Variants in TECPR2 observed in about 807,000 individuals in gnomAD.
TECPR2 encodes tectonin beta-propeller repeat containing 2, also known as tectonin beta-propeller repeat-containing protein 2.
A neutral mutation model predicts 138.1 loss-of-function variants in TECPR2; 65 were observed. That is an observed-to-expected ratio of 0.47 (90% CI 0.39 to 0.58). TECPR2 has a LOEUF of 0.58. Ranked by LOEUF, TECPR2 falls within the 20% of genes least tolerant of loss-of-function variation. TECPR2 has a pLI of 0.00. For missense variants in TECPR2, 1,553 were observed against 1,824.5 expected, an observed-to-expected ratio of 0.85 and a Z score of 2.71; for synonymous variants, 746 against 749.8, an observed-to-expected ratio of 0.99 and a Z score of 0.08.
chr14:102,485,266 A>G (rs1890998547), intron 17 of TECPR2, among the ~76,000 whole-genome samples: 1 of 152,222 alleles, frequency 6.6e-6, no homozygotes, highest in Non-Finnish European at 1.5e-5. Flanking sequence ...CGTCAGCACA[A>G]CTATGCTGCC....
intron 2 of TECPR2, among the ~76,000 whole-genome samples, chr14:102,378,855 C>T (rs1003739607): frequency 2.0e-5 from 3 of 152,096 alleles, no homozygotes; most frequent in Non-Finnish European, 4.4e-5. Flanking sequence ...GAACTCCTGA[C>T]GTCAGGTGAT....
Position 102,500,984 on chromosome 14 carries a change from G to GT in TECPR2, c.*2730dup, listed in dbSNP as rs1322980725. ...CTCTGTAGAACTGCAGACCTGTGCT[G>GT]TTTGATGCCTCCTCACTGTCCCGTC... On this transcript the variant is annotated 3_prime_UTR_variant, in exon 20 of 20. Coordinates refer to ENST00000359520, the MANE Select transcript of TECPR2 (RefSeq NM_014844.5). 6.6e-6 allele frequency: 1 copy of GT among 152,300 alleles called. No homozygotes were observed. Among genetic ancestry groups the GT allele is most frequent in the African/African-American group, 2.4e-5 (1 of 41,472 alleles). The allele number at this position is 152,300 out of a possible 1,614,324, so 9.4% of individuals were successfully genotyped here.
chr14:102,480,650 G>A (rs1278211794), intron 17 of TECPR2, among the ~76,000 whole-genome samples: 1 of 151,890 alleles, frequency 6.6e-6, no homozygotes, highest in Non-Finnish European at 1.5e-5. Context: ...CTCCAAAATG[G>A]CTAGGGGTAT....
intron 17 of TECPR2, among the ~76,000 whole-genome samples, chr14:102,491,875 A>G (rs1322892591): frequency 2.0e-5 from 3 of 152,198 alleles, no homozygotes; most frequent in Non-Finnish European, 4.4e-5. Context: ...TTTTGTTTGC[A>G]GTTGAGGTTT....
intron 17 of TECPR2, among the ~76,000 whole-genome samples, chr14:102,495,497 G>A (rs957586847): frequency 6.6e-6 from 1 of 152,186 alleles, no homozygotes; most frequent in African/African-American, 2.4e-5. Flanking sequence ...CCAGGGGGAT[G>A]CAGGGACTCC....
rs1222880915 is a variant in TECPR2, at chr14:102,499,919, C to G, written c.*1662C>G. On this transcript the variant is annotated 3_prime_UTR_variant, in exon 20 of 20. Coordinates refer to ENST00000359520, the MANE Select transcript of TECPR2 (RefSeq NM_014844.5). ...AAATCCCAGATCTGACTTCACACTTCCCTTTTCTAGAACCTTTTGTAAAAG... is the reference window on the plus strand; with the variant it reads ...AAATCCCAGATCTGACTTCACACTTGCCTTTTCTAGAACCTTTTGTAAAAG... 2.6e-5 allele frequency: 4 copies of G among 152,866 alleles called. No individual in the cohort carries two copies. Among genetic ancestry groups the G allele is most frequent in the South Asian group, 2.1e-4 (1 of 4,842 alleles). The allele number at this position is 152,866 out of a possible 1,614,324, so 9.5% of individuals were successfully genotyped here.
At chr14:102,382,883 A>G (rs998080625) in intron 2 of TECPR2, among the ~76,000 whole-genome samples, 2 of 151,994 alleles carry the variant, frequency 1.3e-5, no homozygotes, top group African/African-American at 4.8e-5. Flanking sequence ...CAGCCTCCCA[A>G]GTAGCTGGGA....
intron 2 of TECPR2, among the ~76,000 whole-genome samples, chr14:102,391,630 C>T (rs576883727): frequency 3.9e-4 from 60 of 152,168 alleles, no homozygotes; most frequent in African/African-American, 1.4e-3. Context: ...AAAATGAAGG[C>T]AAGGAGGATA....
chr14:102,497,518 C>T (rs978643825), intron 18 of TECPR2, 52 bp from the exon 19 acceptor site: 27 of 1,430,118 alleles, frequency 1.9e-5, no homozygotes, highest in East Asian at 1.0e-4. Context: ...TGGGAAGCAG[C>T]GGCCCATCCC....
chr14:102,426,194 G>GTT (rs34422069), intron 6 of TECPR2, among the ~76,000 whole-genome samples: 1 of 148,508 alleles, frequency 6.7e-6, no homozygotes, highest in Non-Finnish European at 1.5e-5. Flanking sequence ...CCGCCACTTG[G>GTT]TTTTTTTTTT....
chr14:102,394,214 C>T (rs1446364687), intron 2 of TECPR2, among the ~76,000 whole-genome samples: 3 of 152,094 alleles, frequency 2.0e-5, no homozygotes, highest in African/African-American at 7.2e-5. Flanking sequence ...GGTTAATTCA[C>T]GGAGAAAGTA....
chr14:102,499,386 A>G lies in TECPR2; in HGVS notation c.*1129A>G, dbSNP rs1015109721. ...AAATCAAATCTTACAAATTTAGAAG[A>G]GAGATATGTTTTCCGAAAACAGTGG... On this transcript the variant is annotated 3_prime_UTR_variant, in exon 20 of 20. Transcript: ENST00000359520. 8.3e-6 allele frequency: 5 copies of G among 599,374 alleles called. No homozygotes were observed. In the African/African-American group the frequency reaches 9.3e-5, roughly 11 times the overall value. 37.1% of individuals were successfully genotyped at this position (599,374 alleles called of 1,614,324 possible). A position where few individuals can be genotyped will look rare whatever the true frequency, so the allele number is the denominator to read the frequency against.
At chr14:102,377,081 C>A in intron 2 of TECPR2, 141 bp downstream of exon 2, 1 of 870,764 alleles carries the variant, frequency 1.1e-6, no homozygotes. Context: ...ACTTTAAAAC[C>A]ATCTTTAGCT....
intron 16 of TECPR2, among the ~76,000 whole-genome samples, chr14:102,463,270 A>T (rs1273963415): frequency 6.6e-6 from 1 of 152,048 alleles, no homozygotes; most frequent in Non-Finnish European, 1.5e-5. Flanking sequence ...TACAAAAATT[A>T]GCTGGACGTG....
intron 17 of TECPR2, among the ~76,000 whole-genome samples, chr14:102,483,962 G>C (rs79670654): frequency 6.6e-5 from 6 of 90,638 alleles, no homozygotes; most frequent in South Asian, 9.3e-4. Context: ...ATGCCTGGCT[G>C]ATTCTTATAT....
At position 102,498,170 on chromosome 14, in the gene TECPR2, G is replaced by A. The variant is rs776285112; in HGVS notation, c.4149G>A (p.Thr1383=). The A allele has an allele frequency of 4.0e-5, 64 of 1,612,430 alleles. No homozygotes were observed. Among genetic ancestry groups the A allele is most frequent in the Admixed American group, 6.7e-5 (4 of 59,990 alleles). The change falls in exon 20 of 20, where the codon ACG becomes ACA. Residue 1383 remains threonine, a synonymous_variant. Transcript: ENST00000359520. The part of the protein sequence containing the change: ...PGYLLQRLTK[T]FSHSHGTQKS... ...ACCTCCTCCAACGGCTGACAAAGAC[G>A]TTCAGCCACTCGCACGGCACCCAGA...
intron 17 of TECPR2, among the ~76,000 whole-genome samples, chr14:102,472,024 A>G (rs140041132): frequency 6.6e-6 from 1 of 152,350 alleles, no homozygotes; most frequent in East Asian, 1.9e-4. Flanking sequence ...GTGCAGAGGC[A>G]GGCTGCTGAG....
intron 2 of TECPR2, among the ~76,000 whole-genome samples, chr14:102,406,010 A>T (rs951101382): frequency 8.7e-5 from 13 of 148,940 alleles, no homozygotes; most frequent in Non-Finnish European, 1.3e-4. Flanking sequence ...TGAGGAGATT[A>T]AAAAAAAAAG....
At chr14:102,403,257 T>C (rs986636530) in intron 2 of TECPR2, among the ~76,000 whole-genome samples, 1 of 152,210 alleles carries the variant, frequency 6.6e-6, no homozygotes, top group Non-Finnish European at 1.5e-5. Context: ...CCTAATATGC[T>C]GTTTTAACAA....
Sources: allele counts gnomAD v4.1 joint callset (sites outside exome capture counted in the v4.1 genomes callset), GRCh38; gene constraint gnomAD v4.1.1; transcripts MANE v1.5; gene names NCBI Gene and HGNC (gene_info 2026-07-23, HGNC 2026-07-21).